CABIN1: variants seen among roughly 807,000 people sequenced by gnomAD.
CABIN1 encodes the protein calcineurin-binding protein cabin-1.
Under a neutral mutation model 227.7 loss-of-function variants are expected in CABIN1, and 133 were observed. The observed-to-expected ratio is 0.58, with a 90% confidence interval of 0.51 to 0.67. The LOEUF (loss-of-function observed/expected upper bound fraction) is 0.67. Among genes scored for constraint, CABIN1 ranks in the 30% least tolerant of loss-of-function variants. The probability of loss-of-function intolerance (pLI) is 0.00; values close to 1 mark genes in which losing one functional copy is unlikely to be tolerated. For synonymous variants in CABIN1, 1,086 were observed against 1,155.1 expected (o/e 0.94, Z 1.21); for missense variants, 2,408 against 2,852.5 (o/e 0.84, Z 3.55).
chr22:24,064,319 C>A, intron 15 of CABIN1, 132 bp downstream of exon 15: 1 of 978,548 alleles, frequency 1.0e-6, no homozygotes, highest in Non-Finnish European at 1.6e-6. Context: ...GATTCTCCTG[C>A]CTCAGCCTCC....
chr22:24,119,723 G>A (rs1440440187), intron 28 of CABIN1, 25 bp downstream of exon 28: 4 of 1,604,662 alleles, frequency 2.5e-6, no homozygotes, highest in Admixed American at 3.3e-5. Context: ...GGCCAAGGGG[G>A]CTTGGATCTT....
At chr22:24,050,348 C>T (rs906134508) in intron 7 of CABIN1, among the ~76,000 whole-genome samples, 2 of 152,102 alleles carry the variant, frequency 1.3e-5, no homozygotes, top group Non-Finnish European at 2.9e-5. Context: ...GAGGTTAGGT[C>T]GCCTCAGAAG....
Position 24,119,822 on chromosome 22 carries a change from G to A in CABIN1, c.4632+124G>A, listed in dbSNP as rs1259012413. 17 of 994,628 alleles carry A rather than the reference G, an allele frequency of 1.7e-5. No individual in the cohort carries two copies. In the African/African-American group the frequency reaches 1.7e-4, roughly 10 times the overall value. 61.6% of individuals were successfully genotyped at this position (994,628 alleles called of 1,614,324 possible). A position where few individuals can be genotyped will look rare whatever the true frequency, so the allele number is the denominator to read the frequency against. On this transcript the variant is annotated intron_variant, in intron 28 of 36. Transcript: ENST00000263119. ...GTAGCAGCACATGGGAGGGATGGGCGAGGAGAGCTGCAGGAGGCAGGGCCA... is the reference window on the plus strand; with the variant it reads ...GTAGCAGCACATGGGAGGGATGGGCAAGGAGAGCTGCAGGAGGCAGGGCCA...
intron 26 of CABIN1, 64 bp from the exon 27 acceptor site, chr22:24,113,502 G>T: frequency 6.9e-7 from 1 of 1,454,862 alleles, no homozygotes; most frequent in South Asian, 1.1e-5. Flanking sequence ...CCATAGGAAG[G>T]CCCCCTGTGT....
intron 29 of CABIN1, among the ~76,000 whole-genome samples, chr22:24,157,187 C>G (rs747250107): frequency 6.6e-6 from 1 of 152,144 alleles, no homozygotes; most frequent in South Asian, 2.1e-4. Context: ...CTTCCTGTCC[C>G]TAGGGGTGTT....
intron 26 of CABIN1, among the ~76,000 whole-genome samples, chr22:24,102,045 G>A (rs757153962): frequency 6.6e-6 from 1 of 152,218 alleles, no homozygotes; most frequent in Non-Finnish European, 1.5e-5. Context: ...GCTGAGGGCA[G>A]GTAGGCACTC....
chr22:24,090,475 C>T (rs934811682), intron 23 of CABIN1, among the ~76,000 whole-genome samples: 1 of 151,538 alleles, frequency 6.6e-6, no homozygotes, highest in East Asian at 1.9e-4. Flanking sequence ...ATGCTTTCCA[C>T]TGTATTTCAC....
intron 27 of CABIN1, among the ~76,000 whole-genome samples, chr22:24,115,146 A>T (rs745463481): frequency 5.3e-4 from 80 of 152,220 alleles, no homozygotes; most frequent in Non-Finnish European, 7.8e-4. Context: ...TTATCAGACA[A>T]GTAAGACCTA....
At chr22:24,065,174 T>A (rs2039540191) in intron 15 of CABIN1, among the ~76,000 whole-genome samples, 1 of 144,552 alleles carries the variant, frequency 6.9e-6, no homozygotes. Context: ...CCGGACGGGG[T>A]GGCTGCCGGG....
chr22:24,103,219 G>T (rs2042315591), intron 26 of CABIN1: 2 of 152,078 alleles, frequency 1.3e-5, no homozygotes, highest in South Asian at 2.1e-4. Context: ...TATCCTCCCA[G>T]TTCTGGCCAG....
In CABIN1 at chr22:24,076,175, C is replaced by G; in HGVS notation, c.2639C>G (p.Ser880Ter). The change falls in exon 19 of 37, where the codon TCA (serine) becomes TGA (stop). Residue 880 changes from serine (S) to a stop codon, truncating the protein, a stop_gained. Transcript: ENST00000263119. LOFTEE classifies it high-confidence loss of function. ...CGGCCTGGGCTTTCCCTAGGGATGT[C>G]AGAGACGCCCATGCTCCCATCCTCC... is the stretch of plus-strand genomic sequence containing the variant. ...QLQNPAEEGM[S>*]ETPMLPSSLM... is the part of the protein sequence containing the mutation. 6.2e-7 allele frequency: 1 copy of G among 1,613,902 alleles called. No individual in the cohort carries two copies. Among genetic ancestry groups the G allele is most frequent in the South Asian group, 1.1e-5 (1 of 91,072 alleles).
chr22:24,072,595 T>C, intron 18 of CABIN1, 85 bp downstream of exon 18: 8 of 1,523,632 alleles, frequency 5.3e-6, no homozygotes, highest in Non-Finnish European at 7.3e-6. Context: ...CTGGACCTTA[T>C]CCAGACGTTG....
At chr22:24,156,801 T>G (rs2045855084) in intron 29 of CABIN1, among the ~76,000 whole-genome samples, 1 of 151,084 alleles carries the variant, frequency 6.6e-6, no homozygotes, top group African/African-American at 2.4e-5. Flanking sequence ...TACAGCAGAG[T>G]TGGCGGCGGG....
At chr22:24,031,722 G>A (rs1359095771) in intron 1 of CABIN1, among the ~76,000 whole-genome samples, 1 of 152,168 alleles carries the variant, frequency 6.6e-6, no homozygotes, top group African/African-American at 2.4e-5. Flanking sequence ...GTGGGGGTTT[G>A]AGAGGCTCTC....
At chr22:24,020,003 T>C (rs2035606712) in intron 1 of CABIN1, among the ~76,000 whole-genome samples, 1 of 152,154 alleles carries the variant, frequency 6.6e-6, no homozygotes, top group African/African-American at 2.4e-5. Flanking sequence ...TCTAATTTTA[T>C]TGGCTAATAT....
chr22:24,169,646 A>G (rs1569317748), intron 33 of CABIN1, among the ~76,000 whole-genome samples: 1 of 152,130 alleles, frequency 6.6e-6, no homozygotes, highest in Non-Finnish European at 1.5e-5. Flanking sequence ...TCTGGGCCCC[A>G]GTGCTGGGCG....
intron 8 of CABIN1, among the ~76,000 whole-genome samples, chr22:24,052,473 T>TC (rs1292905055): frequency 1.3e-5 from 2 of 151,028 alleles, no homozygotes; most frequent in African/African-American, 2.4e-5. Flanking sequence ...TTTCTTTCTT[T>TC]TTTTTTTTAA....
intron 28 of CABIN1, among the ~76,000 whole-genome samples, chr22:24,121,480 G>T (rs1368771254): frequency 1.3e-5 from 2 of 152,212 alleles, no homozygotes; most frequent in Non-Finnish European, 2.9e-5. Context: ...GGCTTCCCTG[G>T]CTGTTGGTGC....
At chr22:24,112,458 T>C (rs1415626361) in intron 26 of CABIN1, among the ~76,000 whole-genome samples, 5 of 152,230 alleles carry the variant, frequency 3.3e-5, no homozygotes, top group African/African-American at 1.2e-4. Flanking sequence ...AAGGTTTTTC[T>C]CAACATTCCA....
Sources: allele counts gnomAD v4.1 joint callset (sites outside exome capture counted in the v4.1 genomes callset), GRCh38; gene constraint gnomAD v4.1.1; transcripts MANE v1.5; gene names NCBI Gene and HGNC (gene_info 2026-07-23, HGNC 2026-07-21).